QRICH2: variants seen among roughly 807,000 people sequenced by gnomAD.
QRICH2 encodes glutamine rich 2.
Under a neutral mutation model 168.3 loss-of-function variants are expected in QRICH2, and 119 were observed. That is an observed-to-expected ratio of 0.71 (90% confidence interval 0.61 to 0.82). The LOEUF is 0.82. QRICH2 is among the 40% of genes least tolerant of loss of function. The probability of loss-of-function intolerance (pLI) is 0.00; values close to 1 mark genes in which losing one functional copy is unlikely to be tolerated. For synonymous variants in QRICH2, 894 were observed against 951.2 expected (o/e 0.94, Z 1.11); for missense variants, 2,241 against 2,491.6 (o/e 0.90, Z 2.14).
intron 2 of QRICH2, 25 bp downstream of exon 2, chr17:76,304,857 T>G (rs371081546): frequency 2.7e-5 from 42 of 1,576,036 alleles, no homozygotes; most frequent in Non-Finnish European, 3.2e-5. Context: ...GGAGAGCCCT[T>G]TCCCATGGAA....
chr17:76,308,786 C>A (rs2071029173), upstream of QRICH2, among the ~76,000 whole-genome samples: 1 of 152,028 alleles, frequency 6.6e-6, no homozygotes, highest in African/African-American at 2.4e-5. Flanking sequence ...TGCTCTGTCG[C>A]CCAGGCTGTA....
At chr17:76,303,662 A>G (rs2070940865) in intron 3 of QRICH2, among the ~76,000 whole-genome samples, 1 of 151,820 alleles carries the variant, frequency 6.6e-6, no homozygotes, top group Non-Finnish European at 1.5e-5. Flanking sequence ...CGAGGTGAGG[A>G]GATCGAGACT....
In QRICH2 at chr17:76,281,937, T is replaced by C; in HGVS notation, c.4190A>G (p.Tyr1397Cys). The C allele has an allele frequency of 1.2e-6, 2 of 1,613,878 alleles. No individual in the cohort carries two copies. The highest frequency in any genetic ancestry group is 1.7e-6 in the Non-Finnish European group (2 of 1,180,014). The change falls in exon 8 of 19, where the codon TAT (tyrosine) becomes TGT (cysteine). Residue 1397 changes from tyrosine to cysteine, a missense_variant. Coordinates refer to ENST00000680821, the MANE Select transcript of QRICH2 (RefSeq NM_001388453.1). The surrounding 1 kb of genome is among the most constrained non-coding windows in gnomAD (Gnocchi z 4.4). ...GTTGACCATGTCTTGGAGTTGCTCA[T>C]AGCGCCGCACCAGCGTGCTGACCTG... ...SHQVSTLVRR[Y>C]EQLQDMVNSL...
chr17:76,285,844 C>T lies in QRICH2; in HGVS notation c.4011+1348G>A, dbSNP rs1006923066. Among the ~76,000 whole-genome samples, 11 of 151,072 alleles carry T rather than the reference C, an allele frequency of 7.3e-5. 1 individual carries two copies. The highest frequency in any genetic ancestry group is 2.7e-4 in the African/African-American group (11 of 41,126). ...AGCCTGGATAACAAGAGCGAAACTCCATCTCCAAAAACAAAACAAAATAAC... is the reference window on the plus strand; with the variant it reads ...AGCCTGGATAACAAGAGCGAAACTCTATCTCCAAAAACAAAACAAAATAAC... On this transcript the variant is annotated intron_variant, in intron 7 of 18. Coordinates refer to ENST00000680821, the MANE Select transcript of QRICH2 (RefSeq NM_001388453.1).
intron 16 of QRICH2, 65 bp from the exon 17 acceptor site, chr17:76,276,832 C>G (rs1047384974): frequency 1.6e-6 from 2 of 1,272,578 alleles, no homozygotes; most frequent in South Asian, 1.2e-5. Context: ...CCCCTTCACA[C>G]GGGACTGAGG....
chr17:76,300,531 G>A (rs577203569), intron 3 of QRICH2, among the ~76,000 whole-genome samples: 10 of 152,082 alleles, frequency 6.6e-5, no homozygotes, highest in Admixed American at 2.6e-4. Flanking sequence ...TAGCATAAAC[G>A]TAAAATAAAG....
chr17:76,276,626 G>T, intron 17 of QRICH2, 54 bp downstream of exon 17: 1 of 1,377,288 alleles, frequency 7.3e-7, no homozygotes, highest in Non-Finnish European at 1.0e-6. Context: ...CACAATGGAT[G>T]CACGCCCTGT....
chr17:76,284,357 A>G (rs346812), intron 7 of QRICH2, among the ~76,000 whole-genome samples: 65,673 of 140,646 alleles, frequency 0.47, 18,670 homozygotes, highest in African/African-American at 0.64. Context: ...CTGTCAAGAA[A>G]ATGAAAAGAT....
chr17:76,293,709 C>G lies in QRICH2; in HGVS notation c.1018G>C (p.Asp340His), dbSNP rs370774221. 6.2e-7 allele frequency: 1 copy of G among 1,614,054 alleles called. No individual in the cohort carries two copies. The highest frequency in any genetic ancestry group is 2.2e-5 in the East Asian group (1 of 44,896). The change falls in exon 4 of 19, where the codon GAT (aspartate) becomes CAT (histidine). Residue 340 changes from aspartate to histidine, a missense_variant. Around this residue, in one of 3 missense-constraint regions of QRICH2, gnomAD observed 2,047 missense variants for 2,303.8 expected, o/e 0.89. Transcript: ENST00000680821. ...AGCTTCTCTCTACTCCTGTGACGAT[C>G]TGAGTCTGATTTGAATTGGAATGTA... ...SSTFQFKSDS[D>H]RHRSREKLTS...
chr17:76,308,892 C>A (rs375257424), upstream of QRICH2, among the ~76,000 whole-genome samples: 16 of 151,662 alleles, frequency 1.1e-4, 1 homozygote, highest in South Asian at 3.3e-3. Flanking sequence ...ATTACAGATG[C>A]GTGGTACCAT....
At chr17:76,277,384 G>A in intron 15 of QRICH2, 74 bp from the exon 16 acceptor site, 4 of 1,534,452 alleles carry the variant, frequency 2.6e-6, no homozygotes, top group Non-Finnish European at 3.5e-6. Context: ...CCACCCATGG[G>A]GCTGACCAGA....
Position 76,277,196 on chromosome 17 carries a change from C to G in QRICH2, c.5232G>C (p.Leu1744=), listed in dbSNP as rs772520398. 15 of 1,601,898 alleles carry G rather than the reference C, an allele frequency of 9.4e-6. No homozygotes were observed. Among genetic ancestry groups the G allele is most frequent in the Non-Finnish European group, 1.3e-5 (15 of 1,176,600 alleles). Residue 1744 remains leucine (L), a synonymous_variant, in exon 16 of 19, where the codon CTG becomes CTC. Coordinates refer to ENST00000680821, the MANE Select transcript of QRICH2 (RefSeq NM_001388453.1). The part of the protein sequence containing the change: ...RSRPQHLPRG[L]YPTEEIQIAM... ...CAATCTGGATCTCTTCAGTAGGATACAGGCCCCGGGGAAGGTGCTGCGGGC... is the reference window on the plus strand; with the variant it reads ...CAATCTGGATCTCTTCAGTAGGATAGAGGCCCCGGGGAAGGTGCTGCGGGC...
chr17:76,301,703 A>ATTTTTTTTTTTTTTTTT (rs370779519), intron 3 of QRICH2, among the ~76,000 whole-genome samples: 3 of 121,752 alleles, frequency 2.5e-5, no homozygotes, highest in African/African-American at 3.4e-5. Flanking sequence ...GTGTTTTATA[A>ATTTTTTTTTTTTTTTTT]TTTTTTTTTT....
intron 3 of QRICH2, among the ~76,000 whole-genome samples, chr17:76,295,073 C>CAAATAAATAAAT (rs201787948): frequency 4.0e-4 from 58 of 143,310 alleles, no homozygotes; most frequent in African/African-American, 1.3e-3. Context: ...CTACTAAAAA[C>CAAATAAATAAAT]AAATAAATAA....
intron 12 of QRICH2, 37 bp from the exon 13 acceptor site, chr17:76,279,465 C>T (rs963335523): frequency 7.7e-6 from 12 of 1,561,124 alleles, no homozygotes; most frequent in Non-Finnish European, 9.6e-6. Context: ...GGTGAGTGCT[C>T]TGCCCGGAAG....
At chr17:76,277,085 G>A in intron 16 of QRICH2, 78 bp downstream of exon 16, 1 of 1,432,570 alleles carries the variant, frequency 7.0e-7, no homozygotes, top group Non-Finnish European at 9.3e-7. Flanking sequence ...TGATTTTCTG[G>A]TGGCTTTAGA....
Position 76,281,802 on chromosome 17 carries a change from G to T in QRICH2, c.4263+62C>A. On this transcript the variant is annotated intron_variant, in intron 8 of 18. Transcript: ENST00000680821. This position sits in a 1 kb window ranked among gnomAD's most constrained non-coding sequence, Gnocchi z 4.4. ...CCCCACTTCTGTGGGTCTGCAGCAG[G>T]GTGGCCCTCCTCTGTGGGGCCATGT... is the stretch of plus-strand genomic sequence containing the variant. 6.3e-7 allele frequency: 1 copy of T among 1,581,574 alleles called. No homozygotes were observed. The highest frequency in any genetic ancestry group is 8.6e-7 in the Non-Finnish European group (1 of 1,157,194).
Position 76,291,134 on chromosome 17 carries a change from T to C in QRICH2, c.3593A>G (p.His1198Arg). The C allele has an allele frequency of 1.2e-6, 2 of 1,614,186 alleles. No individual in the cohort carries two copies. The highest frequency in any genetic ancestry group is 1.7e-6 in the Non-Finnish European group (2 of 1,180,036). Residue 1198 changes from histidine to arginine, a missense_variant, in exon 4 of 19, where the codon CAT becomes CGT. Around this residue, in one of 3 missense-constraint regions of QRICH2, gnomAD observed 2,047 missense variants for 2,303.8 expected, o/e 0.89. Transcript: ENST00000680821. Reference protein sequence around the residue: ...SSFPTAVETFHLMGELSSLYV... With the variant: ...SSFPTAVETFRLMGELSSLYV... Reference sequence around the variant, plus strand: ...GAGGCTACTGAGCTCTCCCATCAGATGAAATGTCTCCACTGCCGTGGGGAA... The same window carrying C: ...GAGGCTACTGAGCTCTCCCATCAGACGAAATGTCTCCACTGCCGTGGGGAA...
chr17:76,299,769 C>G (rs1331708815), intron 3 of QRICH2, among the ~76,000 whole-genome samples: 1 of 151,862 alleles, frequency 6.6e-6, no homozygotes, highest in Non-Finnish European at 1.5e-5. Context: ...CAAGAGGACC[C>G]TGAACACAAA....
Sources: allele counts gnomAD v4.1 joint callset (sites outside exome capture counted in the v4.1 genomes callset), GRCh38; gene constraint gnomAD v4.1.1; regional missense constraint gnomAD v4.1.1; non-coding constraint Gnocchi (gnomAD v3.1); transcripts MANE v1.5; gene names NCBI Gene and HGNC (gene_info 2026-07-23, HGNC 2026-07-21).